SLC44A2: variants seen among roughly 807,000 people sequenced by gnomAD.
The protein encoded by SLC44A2 is choline transporter-like protein 2.
A neutral mutation model predicts 90.8 loss-of-function variants in SLC44A2; 57 were observed. The ratio of observed to expected loss-of-function variants is 0.63; its 90% CI spans 0.51 to 0.78. The LOEUF (loss-of-function observed/expected upper bound fraction) is 0.78, where lower values mean the gene tolerates loss of function less well. Ranked by LOEUF, SLC44A2 falls within the 30% of genes least tolerant of loss-of-function variation. The pLI, the probability that SLC44A2 is intolerant of heterozygous loss-of-function variation, is 0.00. For missense variants in SLC44A2, 794 were observed against 919.7 expected (o/e 0.86, Z 1.77); for synonymous variants, 355 against 360.7 (o/e 0.98, Z 0.18).
intron 4 of SLC44A2, among the ~76,000 whole-genome samples, chr19:10,628,368 A>C (rs2066957139): frequency 6.6e-6 from 1 of 152,194 alleles, no homozygotes; most frequent in South Asian, 2.1e-4. Context: ...CCTGGGGCAC[A>C]GAGTGAGACT....
intron 1 of SLC44A2, among the ~76,000 whole-genome samples, chr19:10,605,396 C>T (rs1352584804): frequency 6.6e-6 from 1 of 152,084 alleles, no homozygotes; most frequent in Non-Finnish European, 1.5e-5. Context: ...TGCCTGTAAT[C>T]CCAGCTACTC....
chr19:10,625,463 T>C, upstream of SLC44A2: 1 of 1,216,908 alleles, frequency 8.2e-7, no homozygotes. Flanking sequence ...TCCCTTAGTC[T>C]GGGCAGCTGC....
rs1292455004 is a variant in SLC44A2, at chr19:10,626,272, T to C, written c.57T>C (p.Asp19=). 1.2e-6 allele frequency: 2 copies of C among 1,613,636 alleles called. No individual in the cohort carries two copies. The highest frequency in any genetic ancestry group is 3.3e-5 in the Admixed American group (2 of 59,988). The part of the protein sequence containing the change: ...YGKHGTPQKY[D]PTFKGPIYNR... ...TTTCAGGAACGCCACAGAAGTATGA[T>C]CCCACTTTCAAAGGACCCATTTACA... Residue 19 remains aspartate, a synonymous_variant, in exon 2 of 22, where the codon GAT becomes GAC. Coordinates refer to ENST00000335757, the MANE Select transcript of SLC44A2 (RefSeq NM_020428.4).
chr19:10,618,171 ATTT>A (rs548727188), intron 1 of SLC44A2, among the ~76,000 whole-genome samples: 74,035 of 112,630 alleles, frequency 0.66, 23,823 homozygotes, highest in Non-Finnish European at 0.7. Context: ...TGCCTGGCTA[ATTT>A]TTTTTTTTTT....
At position 10,642,847 on chromosome 19, in the gene SLC44A2, C is replaced by T. The variant is rs745579113; in HGVS notation, c.2014+396C>T. On this transcript the variant is annotated intron_variant, in intron 21 of 21. Coordinates refer to ENST00000335757, the MANE Select transcript of SLC44A2 (RefSeq NM_020428.4). ...TCTTCCCTGCCTCCCTCTTTCCCTC[C>T]CTTCCCGACCACCCCATTTTCCCCC... 22 of 1,525,566 alleles carry T rather than the reference C, an allele frequency of 1.4e-5. No individual in the cohort carries two copies. In the Admixed American group the frequency reaches 2.4e-4, roughly 16 times the overall value. 94.5% of individuals were successfully genotyped at this position (1,525,566 alleles called of 1,614,324 possible). A position where few individuals can be genotyped will look rare whatever the true frequency, so the allele number is the denominator to read the frequency against.
intron 14 of SLC44A2, 40 bp downstream of exon 14, chr19:10,635,555 G>C (rs140532865): frequency 6.5e-7 from 1 of 1,549,642 alleles, no homozygotes; most frequent in Non-Finnish European, 8.8e-7. Context: ...TATTGCCCCA[G>C]CAGGCCCCAG....
Position 10,643,658 on chromosome 19 carries a change from G to A in SLC44A2, c.*273G>A. The A allele has an allele frequency of 3.3e-6, 1 of 300,154 alleles. No individual in the cohort carries two copies. The highest frequency in any genetic ancestry group is 6.3e-6 in the Non-Finnish European group (1 of 157,574). The allele number at this position is 300,154 out of a possible 1,614,324, so 18.6% of individuals were successfully genotyped here. A position where few individuals can be genotyped will look rare whatever the true frequency, so the allele number is the denominator to read the frequency against. On this transcript the variant is annotated 3_prime_UTR_variant, in exon 22 of 22. Coordinates refer to ENST00000335757, the MANE Select transcript of SLC44A2 (RefSeq NM_020428.4). ...CCTCTTGATGTCTGGGATGGCACGT[G>A]GCCCGACCTCCACAAGCTCCCTCAT...
upstream of SLC44A2, among the ~76,000 whole-genome samples, chr19:10,623,692 A>AT (rs542331677): frequency 0.066 from 9,225 of 140,700 alleles, 617 homozygotes; most frequent in East Asian, 0.33. Context: ...ATTGTATTGT[A>AT]TTTTTTTTTT....
In SLC44A2 at chr19:10,636,530, A is replaced by C; in HGVS notation, c.1441A>C (p.Lys481Gln). ...AFASYYWALRKPDDLPAFPLF... is the reference protein window; with the variant it reads ...AFASYYWALRQPDDLPAFPLF... ...TGCCTCCTACTACTGGGCCCTGCGC[A>C]AGCCGGACGACCTGCCGGCCTTCCC... Residue 481 changes from lysine (K) to glutamine (Q), a missense_variant, in exon 15 of 22, where the codon AAG (lysine) becomes CAG (glutamine). Around this residue, in one of 3 missense-constraint regions of SLC44A2, gnomAD observed 738 missense variants for 841.1 expected, o/e 0.88. Coordinates refer to ENST00000335757, the MANE Select transcript of SLC44A2 (RefSeq NM_020428.4). 1.2e-6 allele frequency: 2 copies of C among 1,609,916 alleles called. No individual in the cohort carries two copies. Among genetic ancestry groups the C allele is most frequent in the East Asian group, 2.2e-5 (1 of 44,858 alleles).
Position 10,638,027 on chromosome 19 carries a change from G to A in SLC44A2, c.1774G>A (p.Ala592Thr), listed in dbSNP as rs759329283. 23 of 1,613,836 alleles carry A rather than the reference G, an allele frequency of 1.4e-5. No individual in the cohort carries two copies. The highest frequency in any genetic ancestry group is 3.3e-5 in the Admixed American group (2 of 59,974). ...FLLMRNIIRV[A>T]VLDKVTDFLF... ...GCCCCTCACTGTCCCCTGCAGAGTGGCTGTCCTGGATAAAGTTACTGACTT... is the reference window on the plus strand; with the variant it reads ...GCCCCTCACTGTCCCCTGCAGAGTGACTGTCCTGGATAAAGTTACTGACTT... The change falls in exon 19 of 22, where the codon GCT becomes ACT. Residue 592 changes from alanine (A) to threonine (T), a missense_variant. Around this residue, in one of 3 missense-constraint regions of SLC44A2, gnomAD observed 738 missense variants for 841.1 expected, o/e 0.88. Coordinates refer to ENST00000335757, the MANE Select transcript of SLC44A2 (RefSeq NM_020428.4).
chr19:10,612,494 C>T (rs1337240655), intron 1 of SLC44A2, among the ~76,000 whole-genome samples: 1 of 152,236 alleles, frequency 6.6e-6, no homozygotes, highest in Non-Finnish European at 1.5e-5. Context: ...AGCCTCCCCA[C>T]CCAGATGCTG....
chr19:10,616,073 G>A (rs544041140), intron 1 of SLC44A2, among the ~76,000 whole-genome samples: 117 of 151,656 alleles, frequency 7.7e-4, no homozygotes, highest in Non-Finnish European at 1.3e-3. Context: ...CCTGGAGGTC[G>A]TGGCTGCAGT....
chr19:10,631,782 A>G (rs772799225), intron 8 of SLC44A2, 33 bp downstream of exon 8: 1 of 1,614,066 alleles, frequency 6.2e-7, no homozygotes, highest in Non-Finnish European at 8.5e-7. Context: ...CCAGGGTCTC[A>G]CTTTGCTGGG....
chr19:10,642,203 G>A (rs1216122958), intron 20 of SLC44A2, 164 bp from the exon 21 acceptor site: 1 of 604,906 alleles, frequency 1.7e-6, no homozygotes, highest in Non-Finnish European at 3.0e-6. Context: ...ATTTTGTGTG[G>A]ATGGTGGGGC....
chr19:10,641,221 C>A (rs1458442182), intron 20 of SLC44A2: 6 of 350,520 alleles, frequency 1.7e-5, no homozygotes, highest in Non-Finnish European at 2.8e-5. Context: ...GGCAAAACCC[C>A]ATCTCCACAA....
upstream of SLC44A2, chr19:10,625,220 T>C: frequency 5.2e-6 from 1 of 191,058 alleles, no homozygotes; most frequent in Non-Finnish European, 1.1e-5. Flanking sequence ...CAGTTGGTTG[T>C]CTGGGTTTGG....
At chr19:10,618,958 C>CTTTT (rs772955506) in intron 1 of SLC44A2, among the ~76,000 whole-genome samples, 8 of 100,088 alleles carry the variant, frequency 8.0e-5, no homozygotes, top group African/African-American at 1.1e-4. Flanking sequence ...GTATACAATT[C>CTTTT]TTTTTTTTTT....
In SLC44A2 at chr19:10,632,288, G is replaced by A. The variant is rs922239021; in HGVS notation, c.823+132G>A. 1.9e-5 allele frequency: 14 copies of A among 723,678 alleles called. No homozygotes were observed. In the Admixed American group the frequency reaches 3.0e-4, roughly 16 times the overall value. The allele number at this position is 723,678 out of a possible 1,614,324, so 44.8% of individuals were successfully genotyped here. ...GTGGTGGCTCACGCCTGTAATCCCAGCACTTTGGGAGGCCGAGGCAGGCAG... is the reference window on the plus strand; with the variant it reads ...GTGGTGGCTCACGCCTGTAATCCCAACACTTTGGGAGGCCGAGGCAGGCAG... On this transcript the variant is annotated intron_variant, in intron 10 of 21. Coordinates refer to ENST00000335757, the MANE Select transcript of SLC44A2 (RefSeq NM_020428.4).
chr19:10,606,441 C>T (rs547725024), intron 1 of SLC44A2, among the ~76,000 whole-genome samples: 4 of 152,060 alleles, frequency 2.6e-5, no homozygotes, highest in Admixed American at 6.6e-5. Context: ...TTTGGGAGGC[C>T]GAGGCAGGTG....
Sources: gnomAD v4.1 joint callset for allele counts (sites outside exome capture counted in the v4.1 genomes callset) on GRCh38, gnomAD v4.1.1 for gene constraint, gnomAD v4.1.1 regional missense constraint, MANE v1.5 for transcripts, NCBI Gene and HGNC (gene_info 2026-07-23, HGNC 2026-07-21) for gene names.